Variants in PADI1 observed in about 807,000 individuals in gnomAD.
PADI1 encodes the protein protein-arginine deiminase type-1.
A neutral mutation model predicts 74.8 loss-of-function variants in PADI1; 65 were observed. The ratio of observed to expected loss-of-function variants is 0.87; its 90% CI spans 0.71 to 1.07. PADI1 has a LOEUF of 1.07. Ranked by LOEUF, PADI1 falls within the 50% of genes least tolerant of loss-of-function variation. PADI1 has a pLI of 0.00. For synonymous variants in PADI1, 371 were observed against 336.2 expected, an observed-to-expected ratio of 1.10 and a Z score of -1.13; for missense variants, 943 against 854.0, an observed-to-expected ratio of 1.10 and a Z score of -1.30.
intron 1 of PADI1, among the ~76,000 whole-genome samples, chr1:17,205,622 G>T (rs1569723412): frequency 6.6e-6 from 1 of 152,232 alleles, no homozygotes; most frequent in East Asian, 1.9e-4. Context: ...CTGACACCTA[G>T]GTAGAACTTG....
At position 17,245,968 on chromosome 1, in the gene PADI1, A is replaced by G. The variant is rs1305472667; in HGVS notation, c.*1725A>G. ...GAATGTTCTGGGTGACCAGTCACCT[A>G]CTTTCTGATCAATAAAAATGTCGAC... On this transcript the variant is annotated 3_prime_UTR_variant, in exon 16 of 16. Coordinates refer to ENST00000375471, the MANE Select transcript of PADI1 (RefSeq NM_013358.3). The surrounding 1 kb of genome is among the most constrained non-coding windows in gnomAD (Gnocchi z 4.1). 6.6e-6 allele frequency: 1 copy of G among 152,222 alleles called. No individual in the cohort carries two copies. Among genetic ancestry groups the G allele is most frequent in the Non-Finnish European group, 1.5e-5 (1 of 68,030 alleles). The allele number at this position is 152,222 out of a possible 1,614,324, so 9.4% of individuals were successfully genotyped here.
At chr1:17,226,825 G>A (rs1263052349) in intron 6 of PADI1, among the ~76,000 whole-genome samples, 1 of 151,994 alleles carries the variant, frequency 6.6e-6, no homozygotes, top group African/African-American at 2.4e-5. Flanking sequence ...CGAGGAGGGT[G>A]GATCACAAGG....
intron 6 of PADI1, among the ~76,000 whole-genome samples, chr1:17,228,167 T>G (rs558810517): frequency 1.3e-5 from 2 of 152,232 alleles, no homozygotes; most frequent in African/African-American, 4.8e-5. Context: ...TTTTAAAAAA[T>G]TTTTTGTAGA....
intron 1 of PADI1, among the ~76,000 whole-genome samples, chr1:17,211,554 G>C (rs146677323): frequency 6.6e-6 from 1 of 152,202 alleles, no homozygotes; most frequent in Non-Finnish European, 1.5e-5. Flanking sequence ...TTGCAGACAC[G>C]CGGAGACACA....
chr1:17,224,404 G>A lies in PADI1; in HGVS notation c.384G>A (p.Lys128=). 1 of 1,613,968 alleles carries A rather than the reference G, an allele frequency of 6.2e-7. No individual in the cohort carries two copies. The highest frequency in any genetic ancestry group is 8.5e-7 in the Non-Finnish European group (1 of 1,179,920). The change falls in exon 4 of 16, where the codon AAG becomes AAA. Residue 128 remains lysine (K), a synonymous_variant. Transcript: ENST00000375471. ...SLEVDTGRTG[K]VKRSQGDKKT... Reference sequence around the variant, plus strand: ...AGGTTGACACAGGCCGCACAGGCAAGGTGAAGAGGAGCCAAGGGGACAAGG... The same window carrying A: ...AGGTTGACACAGGCCGCACAGGCAAAGTGAAGAGGAGCCAAGGGGACAAGG...
In PADI1 at chr1:17,232,913, C is replaced by T. The variant is rs770995306; in HGVS notation, c.1256C>T (p.Thr419Met). The part of the protein sequence containing the change: ...FGNLDVSPPV[T>M]VGGTEYPLGR... ...AACCTGGACGTCAGCCCGCCCGTCA[C>T]GGTGGGCGGCACGGAATACCCCCTG... is the stretch of plus-strand genomic sequence containing the variant. Residue 419 changes from threonine to methionine, a missense_variant, in exon 11 of 16, where the codon ACG (threonine) becomes ATG (methionine). Transcript: ENST00000375471. 3.3e-5 allele frequency: 54 copies of T among 1,612,828 alleles called. No individual in the cohort carries two copies. Among genetic ancestry groups the T allele is most frequent in the Admixed American group, 3.0e-4 (18 of 59,930 alleles).
chr1:17,208,622 C>T (rs1213579322), intron 1 of PADI1, among the ~76,000 whole-genome samples: 1 of 150,370 alleles, frequency 6.7e-6, no homozygotes, highest in African/African-American at 2.4e-5. Flanking sequence ...GCTAGCTCAC[C>T]ATCCTGATGA....
At chr1:17,240,807 G>A (rs1557485718) in intron 15 of PADI1, 47 bp downstream of exon 15, 2 of 1,595,310 alleles carry the variant, frequency 1.3e-6, no homozygotes, top group South Asian at 2.3e-5. Context: ...GCGGGGCTCT[G>A]AGAAGAAGCA....
At chr1:17,212,312 G>A (rs1405893510) in intron 1 of PADI1, among the ~76,000 whole-genome samples, 1 of 152,210 alleles carries the variant, frequency 6.6e-6, no homozygotes, top group African/African-American at 2.4e-5. Context: ...GGGAGCCACA[G>A]GCTCAGCCAG....
chr1:17,244,357 A>G lies in PADI1; in HGVS notation c.*114A>G, dbSNP rs1389402757. The G allele has an allele frequency of 1.1e-5, 9 of 802,516 alleles. No homozygotes were observed. The African/African-American group carries it at 1.2e-4, about 11-fold the overall frequency. 49.7% of individuals were successfully genotyped at this position (802,516 alleles called of 1,614,324 possible). On this transcript the variant is annotated 3_prime_UTR_variant, in exon 16 of 16. Transcript: ENST00000375471. ...CTTGGGGGAGTCTTGGCACTTTGCAAACATCCTGGCCACCATGGGCACCAG... is the reference window on the plus strand; with the variant it reads ...CTTGGGGGAGTCTTGGCACTTTGCAGACATCCTGGCCACCATGGGCACCAG...
At position 17,244,239 on chromosome 1, in the gene PADI1, C is replaced by T. The variant is rs1339829309; in HGVS notation, c.1988C>T (p.Pro663Leu). The T allele has an allele frequency of 6.2e-7, 1 of 1,611,930 alleles. No homozygotes were observed. Among genetic ancestry groups the T allele is most frequent in the South Asian group, 1.1e-5 (1 of 91,032 alleles). ...PFPFKWWNMV[P>L] is the part of the protein sequence containing the mutation. ...CCCTTCAAATGGTGGAACATGGTGC[C>T]CTGAGCCTGCCCCCACCCGCCATCC... Residue 663 changes from proline (P) to leucine (L), a missense_variant, in exon 16 of 16, where the codon CCC becomes CTC. Coordinates refer to ENST00000375471, the MANE Select transcript of PADI1 (RefSeq NM_013358.3).
chr1:17,237,564 A>G (rs1389198888), intron 12 of PADI1, 106 bp downstream of exon 12: 1 of 1,124,502 alleles, frequency 8.9e-7, no homozygotes, highest in East Asian at 2.8e-5. Context: ...TGCCCCGAGT[A>G]AGCTCTGGAT....
Position 17,245,793 on chromosome 1 carries a change from T to A in PADI1, c.*1550T>A, listed in dbSNP as rs947703991. On this transcript the variant is annotated 3_prime_UTR_variant, in exon 16 of 16. Transcript: ENST00000375471. The surrounding 1 kb of genome is among the most constrained non-coding windows in gnomAD (Gnocchi z 4.1). Reference sequence around the variant, plus strand: ...GGAGGCTCTGAAGGGGCCGGGGGTGTGAGCTGGGGTTGGGACTCCCCTGAG... The same window carrying A: ...GGAGGCTCTGAAGGGGCCGGGGGTGAGAGCTGGGGTTGGGACTCCCCTGAG... 1 of 152,482 alleles carries A rather than the reference T, an allele frequency of 6.6e-6. No homozygotes were observed. Among genetic ancestry groups the A allele is most frequent in the Non-Finnish European group, 1.5e-5 (1 of 68,412 alleles). The allele number at this position is 152,482 out of a possible 1,614,324, so 9.4% of individuals were successfully genotyped here.
At chr1:17,205,394 G>C in intron 1 of PADI1, 85 bp downstream of exon 1, 1 of 1,024,890 alleles carries the variant, frequency 9.8e-7, no homozygotes, top group Non-Finnish European at 1.5e-6. Flanking sequence ...AGACAAGTCA[G>C]GCACGTTGGA....
At chr1:17,235,253 G>A (rs1040672992) in intron 11 of PADI1, among the ~76,000 whole-genome samples, 12 of 29,046 alleles carry the variant, frequency 4.1e-4, no homozygotes, top group Non-Finnish European at 6.3e-4. Context: ...GAGAGTGGGA[G>A]GGAGGAAGGG....
chr1:17,229,099 T>C, intron 8 of PADI1, 48 bp downstream of exon 8: 1 of 1,214,790 alleles, frequency 8.2e-7, no homozygotes, highest in Non-Finnish European at 1.2e-6. Flanking sequence ...AGTGCAGAGG[T>C]AGGGACAGAA....
intron 10 of PADI1, among the ~76,000 whole-genome samples, chr1:17,231,067 T>G (rs999603306): frequency 2.0e-5 from 3 of 152,138 alleles, no homozygotes; most frequent in Non-Finnish European, 4.4e-5. Flanking sequence ...CTAGGGCCTC[T>G]CTTTAGGTGC....
chr1:17,213,028 T>C (rs1458116180), intron 1 of PADI1, among the ~76,000 whole-genome samples: 4 of 152,196 alleles, frequency 2.6e-5, no homozygotes, highest in Admixed American at 6.6e-5. Context: ...TCCCTGATCG[T>C]CTCCTCCTTC....
chr1:17,238,621 C>A lies in PADI1; in HGVS notation c.1464C>A (p.Phe488Leu). 1 of 1,504,850 alleles carries A rather than the reference C, an allele frequency of 6.6e-7. No individual in the cohort carries two copies. 93.2% of individuals were successfully genotyped at this position (1,504,850 alleles called of 1,614,324 possible). A position where few individuals can be genotyped will look rare whatever the true frequency, so the allele number is the denominator to read the frequency against. ...TCTCCCTCCCTCCGTGCCAGGGCTT[C>A]CGGCTGCTCCTGGCTAGCCCCAGCG... ...TFVPTSDQKGFRLLLASPSAC... is the reference protein window; with the variant it reads ...TFVPTSDQKGLRLLLASPSAC... The change falls in exon 13 of 16, where the codon TTC (phenylalanine) becomes TTA (leucine). Residue 488 changes from phenylalanine (F) to leucine (L), a missense_variant. By Grantham distance (22) the Phe-to-Leu change is conservative. Transcript: ENST00000375471.
Sources: allele counts gnomAD v4.1 joint callset (sites outside exome capture counted in the v4.1 genomes callset), GRCh38; gene constraint gnomAD v4.1.1; non-coding constraint Gnocchi (gnomAD v3.1); transcripts MANE v1.5; gene names NCBI Gene and HGNC (gene_info 2026-07-23, HGNC 2026-07-21).